PLGRKT: variants seen among roughly 807,000 people sequenced by gnomAD.
The protein encoded by PLGRKT is plasminogen receptor with a C-terminal lysine, also known as plasminogen receptor (KT).
PLGRKT carries 22 observed loss-of-function variants against 18.5 expected under a neutral mutation model. That is an observed-to-expected ratio of 1.19 (90% CI 0.85 to 1.70). PLGRKT has a LOEUF of 1.70. Among genes scored for constraint, PLGRKT ranks in the 40% most tolerant of loss-of-function variants. The pLI is 0.00. For synonymous variants in PLGRKT, 72 were observed against 52.8 expected (o/e 1.36, Z -1.58); for missense variants, 235 against 174.4 (o/e 1.35, Z -1.96).
intron 3 of PLGRKT, among the ~76,000 whole-genome samples, chr9:5,399,626 C>T (rs780279644): frequency 4.0e-5 from 6 of 151,816 alleles, no homozygotes; most frequent in Non-Finnish European, 5.9e-5. Flanking sequence ...ATTTCCCTTA[C>T]TTGTAAGTAT....
chr9:5,361,966 G>T, intron 3 of PLGRKT, 78 bp from the exon 4 acceptor site: 1 of 1,373,572 alleles, frequency 7.3e-7, no homozygotes, highest in Non-Finnish European at 1.0e-6. Context: ...TGTTTTTCCA[G>T]CGGATTCATT....
chr9:5,407,598 A>G (rs1405653233), intron 3 of PLGRKT, among the ~76,000 whole-genome samples: 3 of 152,072 alleles, frequency 2.0e-5, no homozygotes, highest in Non-Finnish European at 4.4e-5. Context: ...CATAACATAA[A>G]CATGTCTGAT....
intron 3 of PLGRKT, among the ~76,000 whole-genome samples, chr9:5,404,319 C>CA (rs933745352): frequency 4.6e-5 from 7 of 151,536 alleles, no homozygotes; most frequent in African/African-American, 1.2e-4. Context: ...AGAGATGCAA[C>CA]AAAAAAAAGA....
chr9:5,403,551 T>C (rs1188476496), intron 3 of PLGRKT, among the ~76,000 whole-genome samples: 1 of 152,234 alleles, frequency 6.6e-6, no homozygotes, highest in African/African-American at 2.4e-5. Flanking sequence ...ATGGTGTACA[T>C]TTTGAAGTGA....
At chr9:5,377,478 C>T (rs1216142325) in intron 3 of PLGRKT, among the ~76,000 whole-genome samples, 1 of 151,994 alleles carries the variant, frequency 6.6e-6, no homozygotes, top group Non-Finnish European at 1.5e-5. Flanking sequence ...TTGTATTTAT[C>T]TATATAAAAA....
chr9:5,422,219 G>A (rs1397288164), intron 3 of PLGRKT, among the ~76,000 whole-genome samples: 4 of 152,162 alleles, frequency 2.6e-5, no homozygotes, highest in African/African-American at 9.7e-5. Flanking sequence ...CAGGTTGATG[G>A]GGAAACTTAT....
intron 3 of PLGRKT, among the ~76,000 whole-genome samples, chr9:5,386,692 G>C (rs943984445): frequency 4.0e-5 from 6 of 151,738 alleles, no homozygotes; most frequent in Non-Finnish European, 5.9e-5. Context: ...ATCTGTTTCT[G>C]TTCATCCCAC....
chr9:5,426,663 G>A (rs958973283), intron 3 of PLGRKT, among the ~76,000 whole-genome samples: 6 of 152,212 alleles, frequency 3.9e-5, no homozygotes, highest in African/African-American at 1.4e-4. Context: ...CATGGGACAA[G>A]TCTTCCTGCA....
intron 3 of PLGRKT, among the ~76,000 whole-genome samples, chr9:5,393,519 G>T (rs1817988469): frequency 6.6e-6 from 1 of 151,628 alleles, no homozygotes; most frequent in Non-Finnish European, 1.5e-5. Flanking sequence ...ATTTAGTAAG[G>T]TCTCTCAACA....
intron 3 of PLGRKT, among the ~76,000 whole-genome samples, chr9:5,425,523 T>C (rs1818680719): frequency 6.6e-6 from 1 of 152,230 alleles, no homozygotes; most frequent in Admixed American, 6.5e-5. Context: ...GCTTGGTTTC[T>C]ATCTCCATTA....
intron 3 of PLGRKT, among the ~76,000 whole-genome samples, chr9:5,421,611 C>G (rs1818576428): frequency 6.6e-6 from 1 of 152,198 alleles, no homozygotes; most frequent in Non-Finnish European, 1.5e-5. Flanking sequence ...AATAAGAAAA[C>G]TTTTGCTTTA....
Position 5,373,150 on chromosome 9 carries a change from G to A in PLGRKT, c.82-11262C>T, listed in dbSNP as rs902506573. On this transcript the variant is annotated intron_variant, in intron 3 of 5. Coordinates refer to ENST00000223864, the MANE Select transcript of PLGRKT (RefSeq NM_018465.4). ...TATAATGAGCTCTAAGTTGATCTGG[G>A]GTATAGACTGACCCAAATTATTCCG... is the stretch of plus-strand genomic sequence containing the variant. Among the ~76,000 whole-genome samples the A allele has an allele frequency of 6.8e-4, 103 of 152,062 alleles. 1 individual carries two copies. The highest frequency in any genetic ancestry group is 2.4e-3 in the African/African-American group (99 of 41,378).
chr9:5,438,023 G>A (rs1818997077), upstream of PLGRKT: 1 of 152,266 alleles, frequency 6.6e-6, no homozygotes, highest in African/African-American at 2.4e-5. Context: ...ACCAGAGGTG[G>A]GAGGGGAAGG....
rs930271223 is a variant in PLGRKT at position 5,378,426 on chromosome 9, A to C, written c.82-16538T>G. On this transcript the variant is annotated intron_variant, in intron 3 of 5. Transcript: ENST00000223864. Reference sequence around the variant, plus strand: ...AGAAACTGTGATAACACCGCACACAATATGAATGAATCTCATAATCCTAAT... The same window carrying C: ...AGAAACTGTGATAACACCGCACACACTATGAATGAATCTCATAATCCTAAT... Among the ~76,000 whole-genome samples the C allele has an allele frequency of 2.0e-5, 3 of 152,208 alleles. No individual in the cohort carries two copies. The East Asian group carries it at 5.8e-4, about 29-fold the overall frequency.
chr9:5,424,315 G>C (rs1308801910), intron 3 of PLGRKT, among the ~76,000 whole-genome samples: 1 of 133,632 alleles, frequency 7.5e-6, no homozygotes, highest in Non-Finnish European at 1.5e-5. Flanking sequence ...AATGTGATGT[G>C]TACCTATAGT....
chr9:5,423,444 G>T (rs1374498164), intron 3 of PLGRKT, among the ~76,000 whole-genome samples: 1 of 152,048 alleles, frequency 6.6e-6, no homozygotes, highest in East Asian at 1.9e-4. Context: ...GAAAACTAAG[G>T]GAGTCTATAT....
At chr9:5,395,513 G>A (rs1586723641) in intron 3 of PLGRKT, among the ~76,000 whole-genome samples, 1 of 151,986 alleles carries the variant, frequency 6.6e-6, no homozygotes, top group Admixed American at 6.5e-5. Context: ...TAAGAAATAA[G>A]AGTAACATTC....
At chr9:5,395,911 T>C (rs1818036761) in intron 3 of PLGRKT, among the ~76,000 whole-genome samples, 1 of 131,242 alleles carries the variant, frequency 7.6e-6, no homozygotes, top group African/African-American at 2.8e-5. Context: ...TTTTTTTTCC[T>C]GAGACAGAGT....
chr9:5,434,582 G>A (rs1197458740), intron 2 of PLGRKT, among the ~76,000 whole-genome samples: 10 of 146,338 alleles, frequency 6.8e-5, no homozygotes, highest in East Asian at 6.2e-4. Flanking sequence ...GGAAGTGGGC[G>A]CCTCTGCCTG....
Sources: gnomAD v4.1 joint callset for allele counts (sites outside exome capture counted in the v4.1 genomes callset) on GRCh38, gnomAD v4.1.1 for gene constraint, MANE v1.5 for transcripts, NCBI Gene and HGNC (gene_info 2026-07-23, HGNC 2026-07-21) for gene names.